Variants in SYNJ2BP observed in about 807,000 individuals in gnomAD.
SYNJ2BP encodes synaptojanin 2 binding protein, also known as synaptojanin-2-binding protein.
Under a neutral mutation model 16.9 loss-of-function variants are expected in SYNJ2BP, and 10 were observed. That is an observed-to-expected ratio of 0.59 (90% CI 0.36 to 1.00). The LOEUF (loss-of-function observed/expected upper bound fraction) is 1.00, where lower values mean the gene tolerates loss of function less well. SYNJ2BP is among the 50% of genes least tolerant of loss of function. The probability of loss-of-function intolerance (pLI) is 0.01; values close to 1 mark genes in which losing one functional copy is unlikely to be tolerated. For missense variants in SYNJ2BP, 162 were observed against 186.7 expected (o/e 0.87, Z 0.77); for synonymous variants, 54 against 68.4 (o/e 0.79, Z 1.04).
At chr14:70,379,962 A>G (rs1273838038) in intron 2 of SYNJ2BP, among the ~76,000 whole-genome samples, 2 of 152,364 alleles carry the variant, frequency 1.3e-5, no homozygotes, top group Admixed American at 1.3e-4. Flanking sequence ...TGGTAGAAAT[A>G]CTGGGCTTAA....
At chr14:70,375,480 G>T (rs1336851647) in intron 3 of SYNJ2BP, among the ~76,000 whole-genome samples, 196 bp downstream of exon 3, 1 of 152,216 alleles carries the variant, frequency 6.6e-6, no homozygotes, top group Non-Finnish European at 1.5e-5. Flanking sequence ...GATTACAGGT[G>T]TGAGCCACCG....
rs79847300 is a variant in SYNJ2BP at position 70,408,386 on chromosome 14, A to G, written c.64+8514T>C. On this transcript the variant is annotated intron_variant, in intron 1 of 3. Coordinates refer to ENST00000256366, the MANE Select transcript of SYNJ2BP (RefSeq NM_018373.3). ...ACTACAAATTATTTATAAAACAAAA[A>G]TCGGACAGGCGTGGTGGCTTATACC... 9.4e-3 allele frequency among the ~76,000 whole-genome samples: 1,434 copies of G among 152,202 alleles called. 26 individuals are homozygous for G. The highest frequency in any genetic ancestry group is 0.032 in the African/African-American group (1,340 of 41,540).
intron 1 of SYNJ2BP, among the ~76,000 whole-genome samples, chr14:70,408,377 A>G (rs1594961263): frequency 6.6e-6 from 1 of 152,170 alleles, no homozygotes; most frequent in East Asian, 1.9e-4. Context: ...AATTATTTAT[A>G]AAACAAAAAT....
At chr14:70,407,663 A>G (rs976615368) in intron 1 of SYNJ2BP, among the ~76,000 whole-genome samples, 1 of 152,174 alleles carries the variant, frequency 6.6e-6, no homozygotes, top group Admixed American at 6.5e-5. Context: ...GTAAAAAAAA[A>G]AACATAGAAG....
chr14:70,373,089 C>G lies in SYNJ2BP; in HGVS notation c.340G>C (p.Asp114His). The change falls in exon 4 of 4, where the codon GAC (aspartate) becomes CAC (histidine). Residue 114 changes from aspartate to histidine, a missense_variant. Coordinates refer to ENST00000256366, the MANE Select transcript of SYNJ2BP (RefSeq NM_018373.3). ...ATAAATATGGGAATACCACTTGGGT[C>G]CCCTTCACCTCGATGTCCTATAGGT... ...NGPIGHRGEG[D>H]PSGIPIFMVL... The G allele has an allele frequency of 6.2e-7, 1 of 1,614,148 alleles. No individual in the cohort carries two copies. Among genetic ancestry groups the G allele is most frequent in the African/African-American group, 1.3e-5 (1 of 75,026 alleles).
At chr14:70,394,715 A>AC (rs1216262496) in intron 1 of SYNJ2BP, among the ~76,000 whole-genome samples, 1 of 152,142 alleles carries the variant, frequency 6.6e-6, no homozygotes, top group Non-Finnish European at 1.5e-5. Context: ...ATAGGTCTGG[A>AC]CCCTAAGCCT....
intron 1 of SYNJ2BP, among the ~76,000 whole-genome samples, chr14:70,415,407 C>T (rs1349979885): frequency 5.9e-5 from 9 of 151,354 alleles, no homozygotes; most frequent in African/African-American, 1.2e-4. Flanking sequence ...AAAAATTAGC[C>T]GGGCGTGGCA....
chr14:70,383,613 T>C (rs141771415), intron 2 of SYNJ2BP, among the ~76,000 whole-genome samples: 2,741 of 152,304 alleles, frequency 0.018, 79 homozygotes, highest in African/African-American at 0.061. Flanking sequence ...AAAAATGTCA[T>C]GTTCACTGAG....
intron 1 of SYNJ2BP, among the ~76,000 whole-genome samples, chr14:70,410,819 C>T (rs1269125970): frequency 2.0e-5 from 3 of 152,092 alleles, no homozygotes; most frequent in Admixed American, 6.6e-5. Context: ...AATAATAACA[C>T]ATAGACACAC....
chr14:70,412,125 T>C (rs1438661808), intron 1 of SYNJ2BP, among the ~76,000 whole-genome samples: 2 of 152,196 alleles, frequency 1.3e-5, no homozygotes, highest in African/African-American at 2.4e-5. Flanking sequence ...CACCTTGATA[T>C]GCCCTCAGCT....
intron 3 of SYNJ2BP, among the ~76,000 whole-genome samples, chr14:70,373,542 G>T (rs1198793094): frequency 6.6e-6 from 1 of 152,178 alleles, no homozygotes; most frequent in East Asian, 1.9e-4. Context: ...TAGATAATCA[G>T]TCATCAAAAT....
chr14:70,374,124 T>C (rs557866449), intron 3 of SYNJ2BP, among the ~76,000 whole-genome samples: 1 of 152,376 alleles, frequency 6.6e-6, no homozygotes, highest in South Asian at 2.1e-4. Context: ...TATTTATGGA[T>C]GTTTCCTTAA....
At chr14:70,415,812 T>C (rs779486801) in intron 1 of SYNJ2BP, among the ~76,000 whole-genome samples, 7 of 152,186 alleles carry the variant, frequency 4.6e-5, no homozygotes, top group Non-Finnish European at 8.8e-5. Context: ...ATTAGTAGGA[T>C]TTACTGTGTC....
intron 1 of SYNJ2BP, among the ~76,000 whole-genome samples, chr14:70,391,209 A>T (rs952280827): frequency 2.6e-5 from 4 of 152,204 alleles, no homozygotes; most frequent in African/African-American, 9.7e-5. Context: ...ATTCTCTAAA[A>T]TAATATACAT....
intron 1 of SYNJ2BP, among the ~76,000 whole-genome samples, chr14:70,405,215 T>C (rs2140864626): frequency 6.6e-6 from 1 of 151,984 alleles, no homozygotes; most frequent in Middle Eastern, 3.4e-3. Flanking sequence ...AGAAAGTCAG[T>C]ATAGGACAAA....
At chr14:70,381,787 G>C (rs2140822243) in intron 2 of SYNJ2BP, among the ~76,000 whole-genome samples, 1 of 152,318 alleles carries the variant, frequency 6.6e-6, no homozygotes, top group South Asian at 2.1e-4. Flanking sequence ...TAATCTGCCT[G>C]AAACAGTCTT....
intron 1 of SYNJ2BP, among the ~76,000 whole-genome samples, chr14:70,391,957 T>C (rs1887989892): frequency 6.6e-6 from 1 of 152,236 alleles, no homozygotes; most frequent in African/African-American, 2.4e-5. Flanking sequence ...AAAGCATTGC[T>C]GCAATAAAAG....
rs1412964624 is a variant in SYNJ2BP, at chr14:70,370,633, T to G, written c.*2358A>C. 6.6e-6 allele frequency: 1 copy of G among 152,198 alleles called. No homozygotes were observed. The highest frequency in any genetic ancestry group is 1.5e-5 in the Non-Finnish European group (1 of 68,038). 9.4% of individuals were successfully genotyped at this position (152,198 alleles called of 1,614,324 possible). A position where few individuals can be genotyped will look rare whatever the true frequency, so the allele number is the denominator to read the frequency against. ...ATGTGACATCTTTTTTTCCCTGAAT[T>G]TCTAAAAGAAAATGTGATGATTACC... On this transcript the variant is annotated 3_prime_UTR_variant, in exon 4 of 4. Coordinates refer to ENST00000256366, the MANE Select transcript of SYNJ2BP (RefSeq NM_018373.3).
chr14:70,379,203 T>C (rs1000746111), intron 2 of SYNJ2BP, among the ~76,000 whole-genome samples: 2 of 152,174 alleles, frequency 1.3e-5, no homozygotes, highest in African/African-American at 4.8e-5. Flanking sequence ...TTGGAACCGA[T>C]TCAAATACTA....
Sources: allele counts gnomAD v4.1 joint callset (sites outside exome capture counted in the v4.1 genomes callset), GRCh38; gene constraint gnomAD v4.1.1; transcripts MANE v1.5; gene names NCBI Gene and HGNC (gene_info 2026-07-23, HGNC 2026-07-21).